The following ERBB4 variants were observed in gnomAD, a reference collection of about 807,000 sequenced individuals.
The protein encoded by ERBB4 is receptor tyrosine-protein kinase erbB-4.
ERBB4 carries 42 observed loss-of-function variants against 158.0 expected under a neutral mutation model. That is an observed-to-expected ratio of 0.27 (90% CI 0.21 to 0.34). The LOEUF is 0.34. ERBB4 is among the 10% of genes least tolerant of loss of function. The pLI is 1.00. For missense variants in ERBB4, 1,333 were observed against 1,624.1 expected (o/e 0.82, Z 3.08); for synonymous variants, 583 against 558.7 (o/e 1.04, Z -0.61).
chr2:212,187,169 A>C (rs2082038830), intron 1 of ERBB4, among the ~76,000 whole-genome samples: 1 of 152,126 alleles, frequency 6.6e-6, no homozygotes, highest in South Asian at 2.1e-4. Flanking sequence ...ATCTAGACAA[A>C]AAATGCAGAA....
intron 1 of ERBB4, among the ~76,000 whole-genome samples, chr2:212,251,421 C>T (rs2084528930): frequency 6.6e-6 from 1 of 151,906 alleles, no homozygotes; most frequent in African/African-American, 2.4e-5. Flanking sequence ...TCCTCAAGTA[C>T]CTCATATCGT....
chr2:211,787,255 A>T (rs533978296), intron 4 of ERBB4, among the ~76,000 whole-genome samples: 3 of 152,350 alleles, frequency 2.0e-5, no homozygotes, highest in African/African-American at 7.2e-5. Flanking sequence ...GTTTTCATAC[A>T]AATGTCAGTA....
At chr2:212,005,324 A>G (rs577768671) in intron 2 of ERBB4, among the ~76,000 whole-genome samples, 147 of 152,274 alleles carry the variant, frequency 9.7e-4, no homozygotes, top group Middle Eastern at 3.4e-3. Context: ...ATAGCACAGC[A>G]ATGGGGAATG....
intron 2 of ERBB4, among the ~76,000 whole-genome samples, chr2:212,052,289 G>T (rs1225221365): frequency 2.6e-5 from 4 of 152,144 alleles, no homozygotes; most frequent in Non-Finnish European, 4.4e-5. Context: ...TGCCAGGGGG[G>T]TCTTGGGCCT....
At chr2:212,068,277 T>C (rs2078002856) in intron 2 of ERBB4, among the ~76,000 whole-genome samples, 1 of 151,992 alleles carries the variant, frequency 6.6e-6, no homozygotes, top group Non-Finnish European at 1.5e-5. Flanking sequence ...AAATGGCAAC[T>C]GAGAGTAATA....
chr2:211,786,740 T>C (rs1421706402), intron 4 of ERBB4, among the ~76,000 whole-genome samples: 1 of 152,164 alleles, frequency 6.6e-6, no homozygotes, highest in African/African-American at 2.4e-5. Context: ...TCAGCAGGTC[T>C]TTCCTTTTAC....
rs989449995 is a variant in ERBB4 at position 211,378,784 on chromosome 2, G to A, written c.*4831C>T. Reference sequence around the variant, plus strand: ...CATTTATATGTTTACATGGGGCAAGGCTGTCCTTCAAACTGATACACACCG... The same window carrying A: ...CATTTATATGTTTACATGGGGCAAGACTGTCCTTCAAACTGATACACACCG... On this transcript the variant is annotated 3_prime_UTR_variant, in exon 28 of 28. Coordinates refer to ENST00000342788, the MANE Select transcript of ERBB4 (RefSeq NM_005235.3). The A allele has an allele frequency of 3.0e-5, 7 of 232,646 alleles. No individual in the cohort carries two copies. In the Admixed American group the frequency reaches 3.9e-4, roughly 13 times the overall value. 14.4% of individuals were successfully genotyped at this position (232,646 alleles called of 1,614,324 possible). A position where few individuals can be genotyped will look rare whatever the true frequency, so the allele number is the denominator to read the frequency against.
intron 19 of ERBB4, among the ~76,000 whole-genome samples, chr2:211,565,286 G>T (rs1574761942): frequency 7.6e-6 from 1 of 131,180 alleles, no homozygotes; most frequent in Admixed American, 6.8e-5. Context: ...TCATATAGCT[G>T]TGGGAAGATG....
chr2:211,437,234 T>C (rs1325821386), intron 20 of ERBB4, among the ~76,000 whole-genome samples: 1 of 152,238 alleles, frequency 6.6e-6, no homozygotes, highest in Non-Finnish European at 1.5e-5. Context: ...ACTTAGTTCA[T>C]GTTTTGCTCA....
intron 20 of ERBB4, among the ~76,000 whole-genome samples, chr2:211,527,915 T>G (rs1486013437): frequency 6.6e-6 from 1 of 151,818 alleles, no homozygotes; most frequent in East Asian, 1.9e-4. Context: ...GAAAGTCACG[T>G]TCACTAAAAG....
intron 19 of ERBB4, among the ~76,000 whole-genome samples, chr2:211,563,395 G>GA (rs1238961935): frequency 6.6e-6 from 1 of 152,080 alleles, no homozygotes. Flanking sequence ...TAATCATGAG[G>GA]AAAAAATCAG....
In ERBB4 at chr2:211,985,791, A is replaced by G. The variant is rs555419358; in HGVS notation, c.235-38175T>C. On this transcript the variant is annotated intron_variant, in intron 2 of 27. Transcript: ENST00000342788. ...TCCAAATCTTATGGGCAGTCATACT[A>G]AAAATCTTGCTTAAGAGAAAATTGA... 5.3e-5 allele frequency among the ~76,000 whole-genome samples: 8 copies of G among 152,264 alleles called. No homozygotes were observed. The East Asian group carries it at 1.4e-3, about 26-fold the overall frequency.
chr2:211,441,674 C>T (rs371463899), intron 20 of ERBB4, among the ~76,000 whole-genome samples: 2 of 152,150 alleles, frequency 1.3e-5, no homozygotes, highest in East Asian at 3.9e-4. Flanking sequence ...CCAGAAGCTA[C>T]AGCTTATAAT....
At chr2:212,298,733 C>G (rs1018503920) in intron 1 of ERBB4, among the ~76,000 whole-genome samples, 3 of 151,646 alleles carry the variant, frequency 2.0e-5, no homozygotes, top group African/African-American at 7.3e-5. Context: ...TTTTGCAGAG[C>G]TGCCTCCACA....
chr2:211,736,210 C>T (rs1406442485), intron 5 of ERBB4, among the ~76,000 whole-genome samples: 1 of 151,624 alleles, frequency 6.6e-6, no homozygotes, highest in Non-Finnish European at 1.5e-5. Flanking sequence ...CTACAAGTCA[C>T]ATAATGCACC....
intron 4 of ERBB4, among the ~76,000 whole-genome samples, chr2:211,757,966 C>G (rs542344409): frequency 6.6e-6 from 1 of 152,228 alleles, no homozygotes; most frequent in East Asian, 1.9e-4. Context: ...ACTCCATTTG[C>G]AGGCTGAATA....
At chr2:211,543,899 T>C (rs1300948505) in intron 20 of ERBB4, among the ~76,000 whole-genome samples, 1 of 151,550 alleles carries the variant, frequency 6.6e-6, no homozygotes, top group Non-Finnish European at 1.5e-5. Flanking sequence ...ATCTCAATGA[T>C]TGATGAAAAT....
At chr2:212,416,051 C>T (rs112095262) in intron 1 of ERBB4, among the ~76,000 whole-genome samples, 5,364 of 152,182 alleles carry the variant, frequency 0.035, 324 homozygotes, top group African/African-American at 0.12. Context: ...TGTGTAATTA[C>T]ATACCCACAA....
intron 3 of ERBB4, among the ~76,000 whole-genome samples, chr2:211,804,687 A>C (rs1037691413): frequency 3.9e-5 from 6 of 152,104 alleles, no homozygotes; most frequent in African/African-American, 1.4e-4. Flanking sequence ...TATGGGAATC[A>C]AATTGGAGTC....
Sources: gnomAD v4.1 joint callset for allele counts (sites outside exome capture counted in the v4.1 genomes callset) on GRCh38, gnomAD v4.1.1 for gene constraint, MANE v1.5 for transcripts, NCBI Gene and HGNC (gene_info 2026-07-23, HGNC 2026-07-21) for gene names.